Variants in SAMD11 observed in about 807,000 individuals in gnomAD.
The protein encoded by SAMD11 is sterile alpha motif domain containing 11.
Under a neutral mutation model 64.4 loss-of-function variants are expected in SAMD11, and 77 were observed. The observed-to-expected ratio is 1.20, with a 90% confidence interval of 0.99 to 1.44. The LOEUF (loss-of-function observed/expected upper bound fraction) is 1.44. SAMD11 is among the 40% of genes most tolerant of loss of function. SAMD11 has a pLI of 0.00. For missense variants in SAMD11, 1,402 were observed against 943.3 expected, an observed-to-expected ratio of 1.49 and a Z score of -6.37; for synonymous variants, 658 against 421.9, an observed-to-expected ratio of 1.56 and a Z score of -6.86.
intron 11 of SAMD11, 24 bp from the exon 12 acceptor site, chr1:943,229 C>G: frequency 1.2e-6 from 2 of 1,612,446 alleles, no homozygotes; most frequent in African/African-American, 2.7e-5. Context: ...AGCCAGAGCC[C>G]TAGTAACACG....
At chr1:925,874 C>G (rs1277269951) in intron 1 of SAMD11, 48 bp from the exon 2 acceptor site, 8 of 1,408,584 alleles carry the variant, frequency 5.7e-6, no homozygotes, top group Non-Finnish European at 8.0e-6. Context: ...TGACTGCGCG[C>G]AGAAGCGTGC....
Position 939,316 on chromosome 1 carries a change from CCG to C in SAMD11, c.1100_1101del (p.Pro367ArgfsTer18). ...LPRELGPSMAPEDHYRRLVSA... is the reference protein window; with the variant it reads ...LPRELGPSMAXEDHYRRLVSA... The stretch of plus-strand genomic sequence containing the variant: ...GCGGGAGCTGGGGCCCAGCATGGCC[CCG>C]GAGGACCATTACCGCCGGCTTGTGT... On this transcript the variant is annotated frameshift_variant, in exon 7 of 14. Coordinates refer to ENST00000616016, the MANE Select transcript of SAMD11 (RefSeq NM_001385641.1). LOFTEE classifies it high-confidence loss of function. 1 of 1,611,402 alleles carries C rather than the reference CCG, an allele frequency of 6.2e-7. No homozygotes were observed. The highest frequency in any genetic ancestry group is 2.2e-5 in the East Asian group (1 of 44,846).
chr1:935,862 G>C lies in SAMD11; in HGVS notation c.933G>C (p.Gln311His). The C allele has an allele frequency of 1.9e-6, 3 of 1,613,130 alleles. No individual in the cohort carries two copies. The highest frequency in any genetic ancestry group is 1.7e-6 in the Non-Finnish European group (2 of 1,179,846). Residue 311 changes from glutamine to histidine, a missense_variant, in exon 5 of 14, where the codon CAG becomes CAC. Transcript: ENST00000616016. ...MPEHQSRCEF[Q>H]RGSLEIGLRP... ...AGCATCAGAGCCGCTGTGAATTCCA[G>C]AGAGGCAGCCTGGAGATTGGCCTGC...
chr1:942,945 C>G lies in SAMD11; in HGVS notation c.1940C>G (p.Pro647Arg). 6.5e-7 allele frequency: 1 copy of G among 1,547,216 alleles called. No homozygotes were observed. The highest frequency in any genetic ancestry group is 8.7e-7 in the Non-Finnish European group (1 of 1,147,310). ...PETAAVGCRG[P>R]TPGQAPAGGA... ...ACGGCAGCTGTTGGGTGCAGGGGGC[C>G]CACTCCGGGCCAAGCTCCAGCTGGA... Residue 647 changes from proline (P) to arginine (R), a missense_variant, in exon 11 of 14, where the codon CCC becomes CGC. By Grantham distance (103) the Pro-to-Arg change is moderately radical (BLOSUM62 -2). Coordinates refer to ENST00000616016, the MANE Select transcript of SAMD11 (RefSeq NM_001385641.1).
Position 942,462 on chromosome 1 carries a change from G to A in SAMD11, c.1527G>A (p.Glu509=), listed in dbSNP as rs1376862644. 9 of 1,487,916 alleles carry A rather than the reference G, an allele frequency of 6.0e-6. No individual in the cohort carries two copies. The highest frequency in any genetic ancestry group is 2.2e-5 in the Admixed American group (1 of 45,566). 92.2% of individuals were successfully genotyped at this position (1,487,916 alleles called of 1,614,324 possible). A position where few individuals can be genotyped will look rare whatever the true frequency, so the allele number is the denominator to read the frequency against. ...CGGAGATGTTCGCCTGGCAGCAGGA[G>A]CTCCTGCGGAAGCAGAACCTGGCCC... ...AQAEMFAWQQ[E]LLRKQNLARL... Residue 509 remains glutamate (E), a synonymous_variant, in exon 10 of 14, where the codon GAG becomes GAA. Coordinates refer to ENST00000616016, the MANE Select transcript of SAMD11 (RefSeq NM_001385641.1).
chr1:932,330 A>G lies in SAMD11; in HGVS notation c.842+1241A>G, dbSNP rs553514586. Among the ~76,000 whole-genome samples, 5 of 152,178 alleles carry G rather than the reference A, an allele frequency of 3.3e-5. No homozygotes were observed. In the East Asian group the frequency reaches 9.7e-4, roughly 29 times the overall value. On this transcript the variant is annotated intron_variant, in intron 4 of 13. Coordinates refer to ENST00000616016, the MANE Select transcript of SAMD11 (RefSeq NM_001385641.1). ...CCTCCTCCGTCTGCCTGGCCTCGGG[A>G]ATGCAGCGTCCCTCGGCAGCACTGA...
intron 2 of SAMD11, 131 bp downstream of exon 2, chr1:926,144 G>C: frequency 1.2e-6 from 1 of 865,748 alleles, no homozygotes; most frequent in South Asian, 1.4e-5. Context: ...AGCCTCCGAA[G>C]GGCAGGGGGA....
intron 12 of SAMD11, 39 bp downstream of exon 12, chr1:943,416 T>G: frequency 6.8e-7 from 1 of 1,478,920 alleles, no homozygotes; most frequent in Non-Finnish European, 9.1e-7. Flanking sequence ...GGGCTGGAGC[T>G]GGCTGGCAGT....
chr1:927,620 A>G (rs1418529875), intron 2 of SAMD11, among the ~76,000 whole-genome samples: 2 of 152,174 alleles, frequency 1.3e-5, no homozygotes, highest in Admixed American at 6.5e-5. Flanking sequence ...CCCAAGCCCC[A>G]TGCCAAATCC....
rs950776065 is a variant in SAMD11, at chr1:943,700, C to G, written c.2181C>G (p.Val727=). ...GLSGCGEYTR[V]FREQGIDGET... ...CCCTCCCTCCCTCCCCCTTCCAGGT[C>G]TTCAGGGAGCAGGGGATCGACGGGG... The change falls in exon 13 of 14, where the codon GTC becomes GTG. Residue 727 remains valine (V), a splice_region_variant and synonymous_variant. Transcript: ENST00000616016. 1.9e-6 allele frequency: 3 copies of G among 1,570,552 alleles called. No individual in the cohort carries two copies. The African/African-American group carries it at 4.1e-5, about 21-fold the overall frequency.
At chr1:926,050 C>G (rs1640868545) in intron 2 of SAMD11, 37 bp downstream of exon 2, 2 of 1,586,952 alleles carry the variant, frequency 1.3e-6, no homozygotes, top group African/African-American at 2.7e-5. Context: ...GGGAGTTACT[C>G]TCCCCTGCGG....
At position 944,164 on chromosome 1, in the gene SAMD11, G is replaced by A. The variant is rs779535749; in HGVS notation, c.*11G>A. On this transcript the variant is annotated 3_prime_UTR_variant, in exon 14 of 14. Coordinates refer to ENST00000616016, the MANE Select transcript of SAMD11 (RefSeq NM_001385641.1). Reference sequence around the variant, plus strand: ...CAGCCTCTGTGTTGAGGTTGCCGGGGGTAGGGGTGGGGCCACACAAATCTC... The same window carrying A: ...CAGCCTCTGTGTTGAGGTTGCCGGGAGTAGGGGTGGGGCCACACAAATCTC... 6 of 1,533,430 alleles carry A rather than the reference G, an allele frequency of 3.9e-6. No homozygotes were observed. The African/African-American group carries it at 4.1e-5, about 11-fold the overall frequency. 95.0% of individuals were successfully genotyped at this position (1,533,430 alleles called of 1,614,324 possible). A position where few individuals can be genotyped will look rare whatever the true frequency, so the allele number is the denominator to read the frequency against.
chr1:944,352 A>G lies in SAMD11; in HGVS notation c.*199A>G. 3 of 1,366,332 alleles carry G rather than the reference A, an allele frequency of 2.2e-6. No homozygotes were observed. Among genetic ancestry groups the G allele is most frequent in the Non-Finnish European group, 2.8e-6 (3 of 1,066,572 alleles). 84.6% of individuals were successfully genotyped at this position (1,366,332 alleles called of 1,614,324 possible). ...AGGCAGAGCCTGGTGCAGATGGACG[A>G]GGTCTGCAGACGGAGGGCAGAGGTG... On this transcript the variant is annotated 3_prime_UTR_variant, in exon 14 of 14. Coordinates refer to ENST00000616016, the MANE Select transcript of SAMD11 (RefSeq NM_001385641.1).
intron 5 of SAMD11, among the ~76,000 whole-genome samples, chr1:936,167 G>A (rs1291376865): frequency 1.3e-5 from 2 of 152,210 alleles, no homozygotes; most frequent in South Asian, 2.1e-4. Flanking sequence ...AGACGTAGGC[G>A]TGGCCTCAGA....
chr1:943,289 C>A lies in SAMD11; in HGVS notation c.2090C>A (p.Ala697Asp), dbSNP rs1176980709. 1.9e-6 allele frequency: 3 copies of A among 1,612,594 alleles called. No individual in the cohort carries two copies. The highest frequency in any genetic ancestry group is 2.5e-6 in the Non-Finnish European group (3 of 1,179,728). ...GGACTCTCCATGGATGGGGAGGAGGCCCCAGCCCCTGAGGACGTCACCAAG... is the reference window on the plus strand; with the variant it reads ...GGACTCTCCATGGATGGGGAGGAGGACCCAGCCCCTGAGGACGTCACCAAG... ...VGGLSMDGEE[A>D]PAPEDVTKWT... The change falls in exon 12 of 14, where the codon GCC becomes GAC. Residue 697 changes from alanine (A) to aspartate (D), a missense_variant. By Grantham distance (126) the Ala-to-Asp change is moderately radical. Coordinates refer to ENST00000616016, the MANE Select transcript of SAMD11 (RefSeq NM_001385641.1).
At chr1:933,417 C>T (rs977134662) in intron 4 of SAMD11, among the ~76,000 whole-genome samples, 7 of 152,310 alleles carry the variant, frequency 4.6e-5, no homozygotes, top group South Asian at 2.1e-4. Context: ...CAGCCACAGC[C>T]CCTCCACCCA....
intron 4 of SAMD11, among the ~76,000 whole-genome samples, chr1:935,193 C>A (rs950347232): frequency 3.3e-5 from 5 of 152,092 alleles, no homozygotes; most frequent in South Asian, 4.1e-4. Flanking sequence ...CCCCGCCTGC[C>A]GGGGGGACAG....
In SAMD11 at chr1:941,302, G is replaced by T; in HGVS notation, c.1354G>T (p.Glu452Ter). 1 of 1,584,166 alleles carries T rather than the reference G, an allele frequency of 6.3e-7. No individual in the cohort carries two copies. The highest frequency in any genetic ancestry group is 1.8e-5 in the Admixed American group (1 of 57,140). Residue 452 changes from glutamate to a stop codon, truncating the protein, a stop_gained, in exon 8 of 14, where the codon GAG becomes TAG. Coordinates refer to ENST00000616016, the MANE Select transcript of SAMD11 (RefSeq NM_001385641.1). LOFTEE classifies it high-confidence loss of function. Reference protein sequence around the residue: ...AAPAAAPSFSERELPQPPPLL... With the variant: ...AAPAAAPSFS The stretch of plus-strand genomic sequence containing the variant: ...CCCAGCTGCCGCCCCGTCCTTCTCG[G>T]AGAGGTACTGGGGTGGCTGCCGTTC...
intron 5 of SAMD11, among the ~76,000 whole-genome samples, chr1:936,323 C>T (rs1255094603): frequency 1.5e-5 from 2 of 135,084 alleles, no homozygotes; most frequent in African/African-American, 2.7e-5. Flanking sequence ...GGTCCCGCCT[C>T]CTAGGGCTCC....
Sources: gnomAD v4.1 joint callset for allele counts (sites outside exome capture counted in the v4.1 genomes callset) on GRCh38, gnomAD v4.1.1 for gene constraint, MANE v1.5 for transcripts, NCBI Gene and HGNC (gene_info 2026-07-23, HGNC 2026-07-21) for gene names.